Variants in ATP8A2 observed in about 807,000 individuals in gnomAD.
The protein encoded by ATP8A2 is ATPase phospholipid transporting 8A2.
A neutral mutation model predicts 165.6 loss-of-function variants in ATP8A2; 100 were observed. The ratio of observed to expected loss-of-function variants is 0.60; its 90% CI spans 0.51 to 0.71. The LOEUF is 0.71. Among genes scored for constraint, ATP8A2 ranks in the 30% least tolerant of loss-of-function variants. The probability of loss-of-function intolerance (pLI) is 0.00; values close to 1 mark genes in which losing one functional copy is unlikely to be tolerated. For synonymous variants in ATP8A2, 543 were observed against 548.8 expected (o/e 0.99, Z 0.15); for missense variants, 1,227 against 1,479.5 (o/e 0.83, Z 2.80).
chr13:25,604,261 A>G (rs143062466), intron 24 of ATP8A2, among the ~76,000 whole-genome samples: 14 of 152,298 alleles, frequency 9.2e-5, no homozygotes, highest in Middle Eastern at 6.8e-3. Context: ...AATGCTGCTA[A>G]TGGGTTCAGT....
intron 26 of ATP8A2, among the ~76,000 whole-genome samples, chr13:25,774,486 C>G (rs977127980): frequency 9.9e-5 from 15 of 152,268 alleles, no homozygotes; most frequent in African/African-American, 3.6e-4. Context: ...GGGTTGATAA[C>G]TGCAGCAAAC....
intron 25 of ATP8A2, chr13:25,705,237 A>G (rs772028374): frequency 5.1e-6 from 2 of 389,432 alleles, no homozygotes; most frequent in South Asian, 3.8e-5. Flanking sequence ...ACCTCTTGAG[A>G]ACACTCAGAA....
chr13:25,563,820 C>A, intron 15 of ATP8A2, 136 bp from the exon 16 acceptor site: 1 of 586,720 alleles, frequency 1.7e-6, no homozygotes, highest in Non-Finnish European at 3.0e-6. Context: ...TACAGAATTT[C>A]AAGTCTTTAA....
chr13:25,558,880 C>T, intron 13 of ATP8A2, 93 bp from the exon 14 acceptor site: 2 of 828,442 alleles, frequency 2.4e-6, no homozygotes, highest in African/African-American at 1.7e-5. Context: ...CCGTTTCATA[C>T]AGGTTTTGAA....
chr13:25,495,687 G>A (rs1325050843), intron 2 of ATP8A2, among the ~76,000 whole-genome samples: 1 of 134,074 alleles, frequency 7.5e-6, no homozygotes, highest in Non-Finnish European at 1.5e-5. Context: ...GTCTGGTCTC[G>A]AACTCCTGAC....
chr13:25,826,265 A>T (rs1951310639), intron 27 of ATP8A2, among the ~76,000 whole-genome samples: 1 of 152,232 alleles, frequency 6.6e-6, no homozygotes, highest in Non-Finnish European at 1.5e-5. Context: ...GGAAAAAGAA[A>T]TTAAGAGTGA....
intron 35 of ATP8A2, among the ~76,000 whole-genome samples, chr13:25,974,483 G>T (rs1192041451): frequency 5.9e-5 from 9 of 152,100 alleles, no homozygotes; most frequent in Admixed American, 5.2e-4. Flanking sequence ...GTGTGGTGGG[G>T]ACTGTAGTGA....
intron 24 of ATP8A2, among the ~76,000 whole-genome samples, chr13:25,671,363 A>G (rs1356926757): frequency 6.6e-6 from 1 of 152,224 alleles, no homozygotes; most frequent in African/African-American, 2.4e-5. Context: ...TGAAAAAAGA[A>G]CAGGATAACA....
At chr13:25,511,937 G>C (rs1054960988) in intron 2 of ATP8A2, among the ~76,000 whole-genome samples, 24 of 151,706 alleles carry the variant, frequency 1.6e-4, no homozygotes, top group African/African-American at 5.6e-4. Flanking sequence ...TCGCAGAGGG[G>C]GATTTGGCAG....
chr13:25,930,574 T>A (rs892860711), intron 33 of ATP8A2, among the ~76,000 whole-genome samples: 1 of 152,214 alleles, frequency 6.6e-6, no homozygotes, highest in Non-Finnish European at 1.5e-5. Context: ...TCATTGCCAT[T>A]TATGACAAGA....
intron 2 of ATP8A2, 137 bp downstream of exon 2, chr13:25,469,258 C>A: frequency 9.2e-7 from 1 of 1,091,488 alleles, no homozygotes; most frequent in Non-Finnish European, 1.3e-6. Flanking sequence ...TGCCCCCTCC[C>A]CACCCCACTA....
At chr13:25,502,739 G>A (rs754780037) in intron 2 of ATP8A2, among the ~76,000 whole-genome samples, 3 of 152,282 alleles carry the variant, frequency 2.0e-5, no homozygotes, top group East Asian at 3.9e-4. Flanking sequence ...TGTGCGTGTC[G>A]TATCACCTGC....
chr13:25,879,750 A>T (rs1396688604), intron 33 of ATP8A2, among the ~76,000 whole-genome samples: 1 of 152,218 alleles, frequency 6.6e-6, no homozygotes, highest in Non-Finnish European at 1.5e-5. Flanking sequence ...GTTTTAGGAC[A>T]GTCCTGGCGA....
At chr13:25,531,309 T>TATATATGTTATATATG (rs1377192138) in intron 4 of ATP8A2, among the ~76,000 whole-genome samples, 1 of 124,424 alleles carries the variant, frequency 8.0e-6, no homozygotes, top group Non-Finnish European at 1.6e-5. Context: ...TTATATATGA[T>TATATATGTTATATATG]ATATATGTTA....
At chr13:26,002,552 C>G (rs1956649588) in intron 35 of ATP8A2, among the ~76,000 whole-genome samples, 1 of 147,736 alleles carries the variant, frequency 6.8e-6, no homozygotes, top group Non-Finnish European at 1.5e-5. Flanking sequence ...TACCCTAGAA[C>G]TTAAAGTATT....
intron 24 of ATP8A2, among the ~76,000 whole-genome samples, chr13:25,673,369 A>G (rs1170879583): frequency 2.6e-5 from 4 of 152,210 alleles, no homozygotes; most frequent in Admixed American, 1.3e-4. Context: ...TGATGTGGCA[A>G]ATGAGACCAG....
chr13:25,637,306 G>A (rs543706518), intron 24 of ATP8A2, among the ~76,000 whole-genome samples: 8 of 152,138 alleles, frequency 5.3e-5, no homozygotes, highest in Non-Finnish European at 7.4e-5. Flanking sequence ...GAAGCAGGGC[G>A]AGGCATCACC....
At chr13:25,678,387 G>T (rs2042415016) in intron 24 of ATP8A2, among the ~76,000 whole-genome samples, 1 of 150,484 alleles carries the variant, frequency 6.6e-6, no homozygotes, top group Non-Finnish European at 1.5e-5. Context: ...CGGGAGTATT[G>T]CTGAGTTTAT....
intron 4 of ATP8A2, among the ~76,000 whole-genome samples, chr13:25,531,227 TTA>T (rs1284703150): frequency 2.7e-5 from 3 of 111,740 alleles, no homozygotes; most frequent in African/African-American, 6.6e-5. Flanking sequence ...ATGATATATG[TTA>T]TATATGATAT....
Sources: allele counts gnomAD v4.1 joint callset (sites outside exome capture counted in the v4.1 genomes callset), GRCh38; gene constraint gnomAD v4.1.1; transcripts MANE v1.5; gene names NCBI Gene and HGNC (gene_info 2026-07-23, HGNC 2026-07-21).